Variants in SLC27A4 observed in about 807,000 individuals in gnomAD.
SLC27A4 encodes the protein solute carrier family 27 member 4.
SLC27A4 carries 33 observed loss-of-function variants against 64.4 expected under a neutral mutation model. The observed-to-expected ratio is 0.51, with a 90% CI of 0.39 to 0.68. The LOEUF is 0.68. SLC27A4 is among the 30% of genes least tolerant of loss of function. The pLI is 0.00. For synonymous variants in SLC27A4, 377 were observed against 370.0 expected, an observed-to-expected ratio of 1.02 and a Z score of -0.22; for missense variants, 824 against 883.5, an observed-to-expected ratio of 0.93 and a Z score of 0.85.
intron 9 of SLC27A4, among the ~76,000 whole-genome samples, chr9:128,354,398 C>T (rs1167894211): frequency 6.6e-6 from 1 of 152,132 alleles, no homozygotes; most frequent in Non-Finnish European, 1.5e-5. Flanking sequence ...CATGGCAGCA[C>T]CCACACATGG....
intron 12 of SLC27A4, among the ~76,000 whole-genome samples, chr9:128,359,479 G>T (rs1212492860): frequency 6.6e-6 from 1 of 152,204 alleles, no homozygotes; most frequent in Non-Finnish European, 1.5e-5. Flanking sequence ...CAAAAAATTA[G>T]CTGGGCGTGG....
At chr9:128,347,688 G>A (rs1028150591) in intron 3 of SLC27A4, among the ~76,000 whole-genome samples, 3 of 144,660 alleles carry the variant, frequency 2.1e-5, no homozygotes, top group African/African-American at 7.8e-5. Context: ...TCCAGCCTGG[G>A]CGACAGAGTG....
In SLC27A4 at chr9:128,361,391, A is replaced by C. The variant is rs1245046619; in HGVS notation, c.*900A>C. The C allele has an allele frequency of 1.3e-5, 2 of 152,368 alleles. No homozygotes were observed. The highest frequency in any genetic ancestry group is 2.9e-5 in the Non-Finnish European group (2 of 68,144). 9.4% of individuals were successfully genotyped at this position (152,368 alleles called of 1,614,324 possible). ...GTAAGATGCCGCAGCCCCTGCCTCC[A>C]ATGTGCTGGTTCAGCCGGGGGCAGT... is the stretch of plus-strand genomic sequence containing the variant. On this transcript the variant is annotated 3_prime_UTR_variant, in exon 13 of 13. Coordinates refer to ENST00000300456, the MANE Select transcript of SLC27A4 (RefSeq NM_005094.4).
intron 12 of SLC27A4, 47 bp downstream of exon 12, chr9:128,355,843 G>A (rs200505037): frequency 7.5e-6 from 12 of 1,608,148 alleles, no homozygotes; most frequent in Admixed American, 5.0e-5. Flanking sequence ...GTCCCTTCCC[G>A]TTTCCTTCTG....
At chr9:128,351,426 C>CA (rs1334561826) in intron 6 of SLC27A4, among the ~76,000 whole-genome samples, 3 of 151,702 alleles carry the variant, frequency 2.0e-5, no homozygotes, top group African/African-American at 7.3e-5. Flanking sequence ...GACACTGTCT[C>CA]AAAAAAAATA....
intron 3 of SLC27A4, among the ~76,000 whole-genome samples, chr9:128,346,791 G>A (rs1832663980): frequency 6.6e-6 from 1 of 151,566 alleles, no homozygotes; most frequent in Non-Finnish European, 1.5e-5. Context: ...TTTGAGATCA[G>A]GAGTTTGAGA....
chr9:128,348,472 C>G (rs943349778), intron 3 of SLC27A4, 73 bp from the exon 4 acceptor site: 1 of 1,582,706 alleles, frequency 6.3e-7, no homozygotes, highest in African/African-American at 1.3e-5. Context: ...CATGGCCAGC[C>G]CTGCTGGGAG....
intron 1 of SLC27A4, among the ~76,000 whole-genome samples, chr9:128,341,931 G>T (rs1003881098): frequency 6.6e-6 from 1 of 152,108 alleles, no homozygotes; most frequent in African/African-American, 2.4e-5. Flanking sequence ...TAGAGACAGG[G>T]TTTCACCATC....
chr9:128,345,408 T>G lies in SLC27A4; in HGVS notation c.415T>G (p.Phe139Val), dbSNP rs747250280. The G allele has an allele frequency of 1.2e-4, 197 of 1,613,540 alleles. No individual in the cohort carries two copies. Among genetic ancestry groups the G allele is most frequent in the Non-Finnish European group, 1.6e-4 (187 of 1,180,008 alleles). Residue 139 changes from phenylalanine (F) to valine (V), a missense_variant, in exon 3 of 13, where the codon TTC (phenylalanine) becomes GTC (valine). Coordinates refer to ENST00000300456, the MANE Select transcript of SLC27A4 (RefSeq NM_005094.4). This position sits in a 1 kb window ranked among gnomAD's most constrained non-coding sequence, Gnocchi z 4.1. ...AAIFMENRNE[F>V]VGLWLGMAKL... ...CATCTTCATGGAGAACCGCAATGAGTTCGTGGGCCTATGGCTGGGCATGGC... is the reference window on the plus strand; with the variant it reads ...CATCTTCATGGAGAACCGCAATGAGGTCGTGGGCCTATGGCTGGGCATGGC...
At chr9:128,346,218 TG>T (rs1832654523) in intron 3 of SLC27A4, among the ~76,000 whole-genome samples, 1 of 146,406 alleles carries the variant, frequency 6.8e-6, no homozygotes, top group Non-Finnish European at 1.5e-5. Flanking sequence ...AAAAGTTTTT[TG>T]TTTTTTTTTG....
rs546297772 is a variant in SLC27A4 at position 128,345,750 on chromosome 9, G to A, written c.556+201G>A. ...CTGAGCCTCAGTTTCCTCATCCGTC[G>A]TTCCTACCTCATACTGTTTTCAAAA... is the stretch of plus-strand genomic sequence containing the variant. On this transcript the variant is annotated intron_variant, in intron 3 of 12. Transcript: ENST00000300456. The surrounding 1 kb of genome is among the most constrained non-coding windows in gnomAD (Gnocchi z 4.1). Among the ~76,000 whole-genome samples, 22 of 152,274 alleles carry A rather than the reference G, an allele frequency of 1.4e-4. No individual in the cohort carries two copies. In the South Asian group the frequency reaches 3.9e-3, roughly 27 times the overall value.
In SLC27A4 at chr9:128,355,567, G is replaced by A. The variant is rs1832806915; in HGVS notation, c.1627+5G>A. 1 of 1,609,504 alleles carries A rather than the reference G, an allele frequency of 6.2e-7. No homozygotes were observed. Among genetic ancestry groups the A allele is most frequent in the Non-Finnish European group, 8.5e-7 (1 of 1,180,002 alleles). On this transcript the variant is annotated splice_donor_5th_base_variant and intron_variant, in intron 11 of 12. Transcript: ENST00000300456. The stretch of plus-strand genomic sequence containing the variant: ...TGTATGGTGTCGAGGTGCCAGGTAT[G>A]TGCAGGCAGGCGCGAGGTGTGGGTA...
chr9:128,343,419 C>A, intron 2 of SLC27A4, 126 bp downstream of exon 2: 1 of 1,104,258 alleles, frequency 9.1e-7, no homozygotes, highest in Non-Finnish European at 1.4e-6. Flanking sequence ...AGTTCCAGAA[C>A]AGCAGCCTCT....
chr9:128,359,494 G>A (rs1832868384), intron 12 of SLC27A4, among the ~76,000 whole-genome samples: 1 of 152,070 alleles, frequency 6.6e-6, no homozygotes, highest in Non-Finnish European at 1.5e-5. Context: ...GCGTGGTGGT[G>A]GGTGCCTGTA....
chr9:128,352,574 C>T (rs995756691), intron 6 of SLC27A4, 64 bp from the exon 7 acceptor site: 2 of 1,307,880 alleles, frequency 1.5e-6, no homozygotes, highest in African/African-American at 2.9e-5. Context: ...GGCAGTATCA[C>T]TGATTTGGGG....
intron 3 of SLC27A4, among the ~76,000 whole-genome samples, chr9:128,347,809 G>T (rs1031532535): frequency 6.6e-6 from 1 of 150,678 alleles, no homozygotes; most frequent in Non-Finnish European, 1.5e-5. Flanking sequence ...AATCTCTTGA[G>T]CCCAGGAGTT....
chr9:128,353,387 G>A lies in SLC27A4; in HGVS notation c.1198-28G>A. On this transcript the variant is annotated intron_variant, in intron 8 of 12. Coordinates refer to ENST00000300456, the MANE Select transcript of SLC27A4 (RefSeq NM_005094.4). This position sits in a 1 kb window ranked among gnomAD's most constrained non-coding sequence, Gnocchi z 4.9. Reference sequence around the variant, plus strand: ...CCAGTTTTGGGCCCATGGTGAGAGAGCCCAGGCCCAAGTCTTGGCCTTCGC... The same window carrying A: ...CCAGTTTTGGGCCCATGGTGAGAGAACCCAGGCCCAAGTCTTGGCCTTCGC... The A allele has an allele frequency of 1.2e-6, 2 of 1,614,150 alleles. No individual in the cohort carries two copies. The highest frequency in any genetic ancestry group is 1.7e-6 in the Non-Finnish European group (2 of 1,180,020).
At chr9:128,357,336 CAGG>C (rs981909199) in intron 12 of SLC27A4, among the ~76,000 whole-genome samples, 1 of 149,764 alleles carries the variant, frequency 6.7e-6, no homozygotes, top group Non-Finnish European at 1.5e-5. Flanking sequence ...GAGGCTGAGA[CAGG>C]AGAATTGCTT....
chr9:128,345,154 G>C lies in SLC27A4; in HGVS notation c.162-1G>C. 3.1e-6 allele frequency: 5 copies of C among 1,613,220 alleles called. No individual in the cohort carries two copies. The highest frequency in any genetic ancestry group is 1.1e-5 in the South Asian group (1 of 91,086). ...CAGCGCCCTCTCTTGTTCACACACAGTGGCGGCCTGGTCCTCCTGAAGGTG... is the reference window on the plus strand; with the variant it reads ...CAGCGCCCTCTCTTGTTCACACACACTGGCGGCCTGGTCCTCCTGAAGGTG... On this transcript the variant is annotated splice_acceptor_variant, in intron 2 of 12. Coordinates refer to ENST00000300456, the MANE Select transcript of SLC27A4 (RefSeq NM_005094.4). LOFTEE classifies it high-confidence loss of function. This position sits in a 1 kb window ranked among gnomAD's most constrained non-coding sequence, Gnocchi z 4.1.
Sources: gnomAD v4.1 joint callset for allele counts (sites outside exome capture counted in the v4.1 genomes callset) on GRCh38, gnomAD v4.1.1 for gene constraint, Gnocchi (gnomAD v3.1) non-coding constraint, MANE v1.5 for transcripts, NCBI Gene and HGNC (gene_info 2026-07-23, HGNC 2026-07-21) for gene names.